BCAT1: variants seen among roughly 807,000 people sequenced by gnomAD.
BCAT1 encodes branched-chain-amino-acid aminotransferase, cytosolic.
A neutral mutation model predicts 52.4 loss-of-function variants in BCAT1; 48 were observed. That is an observed-to-expected ratio of 0.92 (90% CI 0.73 to 1.16). BCAT1 has a LOEUF of 1.16. Ranked by LOEUF, BCAT1 falls within the 50% of genes most tolerant of loss-of-function variation. The probability of loss-of-function intolerance (pLI) is 0.00; values close to 1 mark genes in which losing one functional copy is unlikely to be tolerated. For missense variants in BCAT1, 451 were observed against 457.1 expected, an observed-to-expected ratio of 0.99 and a Z score of 0.12; for synonymous variants, 167 against 161.3, an observed-to-expected ratio of 1.04 and a Z score of -0.27.
intron 1 of BCAT1, among the ~76,000 whole-genome samples, chr12:24,919,279 A>C (rs1201353811): frequency 1.3e-5 from 2 of 152,186 alleles, no homozygotes; most frequent in Non-Finnish European, 2.9e-5. Flanking sequence ...TTTTCTCCTA[A>C]CTTCCTCGCA....
At chr12:24,949,331 G>A (rs78797228), upstream of BCAT1, 356 of 259,466 alleles carry the variant, frequency 1.4e-3, 7 homozygotes, top group East Asian at 0.03. Flanking sequence ...GCCACTGTGG[G>A]TGCGTATCCG....
At chr12:24,898,520 C>CTTT (rs71448094) in intron 2 of BCAT1, among the ~76,000 whole-genome samples, 854 of 38,412 alleles carry the variant, frequency 0.022, 201 homozygotes, top group African/African-American at 0.085. Context: ...TCAGTCAACA[C>CTTT]TTTTTTTTTT....
At chr12:24,888,981 A>C (rs914746844) in intron 3 of BCAT1, among the ~76,000 whole-genome samples, 5 of 152,190 alleles carry the variant, frequency 3.3e-5, no homozygotes, top group Non-Finnish European at 7.3e-5. Context: ...CCATTTGCAT[A>C]AAAGGATTAG....
intron 4 of BCAT1, among the ~76,000 whole-genome samples, chr12:24,880,586 T>C (rs976134488): frequency 2.6e-5 from 4 of 152,242 alleles, no homozygotes; most frequent in African/African-American, 9.6e-5. Context: ...AGATAAAATA[T>C]CAAAATAATT....
At chr12:24,914,042 G>A (rs149991890) in intron 1 of BCAT1, among the ~76,000 whole-genome samples, 43 of 151,898 alleles carry the variant, frequency 2.8e-4, no homozygotes, top group African/African-American at 9.9e-4. Flanking sequence ...GAGAGCAGGA[G>A]CCCAACATTC....
intron 3 of BCAT1, among the ~76,000 whole-genome samples, chr12:24,890,337 G>A (rs1942801170): frequency 6.6e-6 from 1 of 152,154 alleles, no homozygotes; most frequent in Non-Finnish European, 1.5e-5. Flanking sequence ...ACTCCATCCT[G>A]ATTAGGGGCT....
intron 10 of BCAT1, among the ~76,000 whole-genome samples, chr12:24,826,576 T>G (rs1028752694): frequency 6.6e-6 from 1 of 152,172 alleles, no homozygotes; most frequent in African/African-American, 2.4e-5. Flanking sequence ...AGTGTGGTGA[T>G]TCTAACTTTG....
rs1030319796 is a variant in BCAT1 at position 24,817,134 on chromosome 12, G to A, written c.*874C>T. On this transcript the variant is annotated 3_prime_UTR_variant, in exon 11 of 11. Transcript: ENST00000261192. ...GCTTCAGAGTATCTCTAATGACTTA[G>A]TAGCTCATGGAAAATAAAGACAATA... The A allele has an allele frequency of 1.3e-5, 2 of 152,230 alleles. No individual in the cohort carries two copies. Among genetic ancestry groups the A allele is most frequent in the African/African-American group, 4.8e-5 (2 of 41,424 alleles). 9.4% of individuals were successfully genotyped at this position (152,230 alleles called of 1,614,324 possible).
At chr12:24,883,001 T>C (rs555092806) in intron 3 of BCAT1, among the ~76,000 whole-genome samples, 1 of 152,124 alleles carries the variant, frequency 6.6e-6, no homozygotes, top group African/African-American at 2.4e-5. Flanking sequence ...AAAGGCAACT[T>C]CAAGGCTGGG....
chr12:24,858,399 A>C (rs1941754709), intron 5 of BCAT1, among the ~76,000 whole-genome samples: 1 of 152,226 alleles, frequency 6.6e-6, no homozygotes, highest in Admixed American at 6.5e-5. Flanking sequence ...ATATTGGTAA[A>C]ATAAAAATGT....
At chr12:24,887,080 A>AAAAAAAAAAAAAAAAAAAAATATAT (rs1245203518) in intron 3 of BCAT1, among the ~76,000 whole-genome samples, 1 of 40,748 alleles carries the variant, frequency 2.5e-5, no homozygotes, top group Non-Finnish European at 5.2e-5. Flanking sequence ...AAAAAAAAAA[A>AAAAAAAAAAAAAAAAAAAAATATAT]ATATATATAT....
At chr12:24,835,518 G>A (rs982672877) in intron 8 of BCAT1, among the ~76,000 whole-genome samples, 2 of 151,656 alleles carry the variant, frequency 1.3e-5, no homozygotes, top group African/African-American at 2.4e-5. Flanking sequence ...AATACATTAC[G>A]TCATTTCCAA....
chr12:24,865,963 C>A (rs1053422063), intron 5 of BCAT1, among the ~76,000 whole-genome samples: 14 of 152,264 alleles, frequency 9.2e-5, no homozygotes, highest in African/African-American at 3.4e-4. Flanking sequence ...GGCCTCGGCG[C>A]CCATTCTGAC....
chr12:24,892,003 C>T (rs1223238472), intron 3 of BCAT1, among the ~76,000 whole-genome samples: 4 of 151,928 alleles, frequency 2.6e-5, no homozygotes, highest in African/African-American at 7.3e-5. Context: ...GTGATCCGCC[C>T]GCCTTGGCCT....
At chr12:24,903,013 T>A in intron 1 of BCAT1, 1 of 1,438,420 alleles carries the variant, frequency 7.0e-7, no homozygotes, top group Non-Finnish European at 9.1e-7. Flanking sequence ...GACGCGGGGC[T>A]GCAGAGAGCG....
intron 8 of BCAT1, among the ~76,000 whole-genome samples, chr12:24,835,255 C>G (rs1227279940): frequency 2.0e-5 from 3 of 152,196 alleles, no homozygotes; most frequent in Admixed American, 6.5e-5. Context: ...TGGGTCTTGT[C>G]TACTTCAGGG....
At chr12:24,912,562 T>C (rs1266125051) in intron 1 of BCAT1, among the ~76,000 whole-genome samples, 1 of 151,356 alleles carries the variant, frequency 6.6e-6, no homozygotes, top group Non-Finnish European at 1.5e-5. Flanking sequence ...GCAATATACA[T>C]ACACCCAAAG....
intron 1 of BCAT1, among the ~76,000 whole-genome samples, chr12:24,926,955 T>TAA (rs1003792146): frequency 4.9e-5 from 7 of 142,478 alleles, no homozygotes; most frequent in African/African-American, 7.7e-5. Flanking sequence ...AATGATCAAT[T>TAA]AAAAAAAAAA....
intron 1 of BCAT1, among the ~76,000 whole-genome samples, chr12:24,933,111 T>G: frequency 1.0e-4 from 1 of 9,656 alleles, no homozygotes; most frequent in Non-Finnish European, 7.1e-4. Context: ...CGCCTGGCCT[T>G]TTTTTTTTTT....
Sources: allele counts gnomAD v4.1 joint callset (sites outside exome capture counted in the v4.1 genomes callset), GRCh38; gene constraint gnomAD v4.1.1; transcripts MANE v1.5; gene names NCBI Gene and HGNC (gene_info 2026-07-23, HGNC 2026-07-21).